KRT86: variants seen among roughly 807,000 people sequenced by gnomAD.
KRT86 encodes the protein keratin, type II cuticular Hb6.
A neutral mutation model predicts 41.2 loss-of-function variants in KRT86; 30 were observed. The ratio of observed to expected loss-of-function variants is 0.73; its 90% confidence interval spans 0.54 to 0.99. KRT86 has a LOEUF of 0.99. Among genes scored for constraint, KRT86 ranks in the 50% least tolerant of loss-of-function variants. KRT86 has a pLI of 0.00. For synonymous variants in KRT86, 238 were observed against 238.1 expected (o/e 1.00, Z 0.00); for missense variants, 561 against 571.4 (o/e 0.98, Z 0.19).
At chr12:52,305,844 C>A in intron 8 of KRT86, 56 bp downstream of exon 8, 2 of 1,613,808 alleles carry the variant, frequency 1.2e-6, no homozygotes, top group Non-Finnish European at 1.7e-6. Context: ...CATGGTCACA[C>A]AGCCTATGTG....
Position 52,308,476 on chromosome 12 carries a change from C to G in KRT86, c.1352C>G (p.Thr451Ser), listed in dbSNP as rs758256483. 1.2e-6 allele frequency: 2 copies of G among 1,610,934 alleles called. No individual in the cohort carries two copies. The highest frequency in any genetic ancestry group is 2.2e-5 in the South Asian group (2 of 91,064). ...TCCACTACTGCCCCTGTTGTCTCCA[C>G]CAGAGTCAGTAGCGTCCCCAGCAAC... ...CASTTAPVVS[T>S]RVSSVPSNSN... Residue 451 changes from threonine (T) to serine (S), a missense_variant, in exon 11 of 11, where the codon ACC (threonine) becomes AGC (serine). This residue lies in a region of KRT86 where 397 missense variants were observed against 375.9 expected (regional missense o/e 1.06). Coordinates refer to ENST00000423955, the MANE Select transcript of KRT86 (RefSeq NM_001320198.2).
intron 2 of KRT86, among the ~76,000 whole-genome samples, chr12:52,276,932 T>G (rs913332225): frequency 6.6e-6 from 1 of 152,046 alleles, no homozygotes; most frequent in Non-Finnish European, 1.5e-5. Flanking sequence ...TGGAGAGAGA[T>G]CTCCCTTGTA....
Position 52,308,462 on chromosome 12 carries a change from C to T in KRT86, c.1338C>T (p.Ala446=). The change falls in exon 11 of 11, where the codon GCC becomes GCT. Residue 446 remains alanine, a synonymous_variant. Coordinates refer to ENST00000423955, the MANE Select transcript of KRT86 (RefSeq NM_001320198.2). ...GCGATCTCTGCGCCTCCACTACTGC[C>T]CCTGTTGTCTCCACCAGAGTCAGTA... is the stretch of plus-strand genomic sequence containing the variant. ...VCGDLCASTT[A]PVVSTRVSSV... is the part of the protein sequence containing the mutation. 1.9e-6 allele frequency: 3 copies of T among 1,611,626 alleles called. No individual in the cohort carries two copies. Among genetic ancestry groups the T allele is most frequent in the Non-Finnish European group, 2.5e-6 (3 of 1,179,882 alleles).
intron 2 of KRT86, among the ~76,000 whole-genome samples, chr12:52,293,421 G>C (rs1296986338): frequency 6.6e-6 from 1 of 152,176 alleles, no homozygotes; most frequent in Non-Finnish European, 1.5e-5. Flanking sequence ...ACAACCCCTT[G>C]ACTTCCTAAT....
chr12:52,274,815 G>A (rs1942535338), intron 1 of KRT86, 93 bp downstream of exon 1: 1 of 831,064 alleles, frequency 1.2e-6, no homozygotes, highest in African/African-American at 1.8e-5. Context: ...TTGGGAACAG[G>A]AGCAGAAAAG....
chr12:52,275,982 T>G (rs1470927285), intron 2 of KRT86, 36 bp downstream of exon 2: 49 of 985,734 alleles, frequency 5.0e-5, no homozygotes, highest in Non-Finnish European at 5.5e-5. Flanking sequence ...AGAGTGGCCA[T>G]GGTGGGATGG....
chr12:52,287,726 G>C (rs1368441769), intron 2 of KRT86: 2 of 1,613,856 alleles, frequency 1.2e-6, no homozygotes, highest in Non-Finnish European at 1.7e-6. Context: ...CTCACACTGG[G>C]GGAAGTAGAG....
intron 2 of KRT86, chr12:52,291,102 C>A: frequency 1.4e-6 from 1 of 707,724 alleles, no homozygotes; most frequent in Non-Finnish European, 2.1e-6. Context: ...CCCACCTTGT[C>A]GATGAAGGCC....
chr12:52,286,721 C>T (rs2121231510), intron 2 of KRT86: 2 of 1,528,022 alleles, frequency 1.3e-6, no homozygotes, highest in Non-Finnish European at 1.8e-6. Context: ...AGTAACACTC[C>T]TTTTTCCAAA....
chr12:52,286,631 C>G (rs1274009465), intron 2 of KRT86: 4 of 1,191,718 alleles, frequency 3.4e-6, no homozygotes, highest in Non-Finnish European at 3.7e-6. Context: ...TCCATCTAGT[C>G]CAAGAGCTGG....
chr12:52,297,839 A>C (rs1565745833), intron 2 of KRT86, among the ~76,000 whole-genome samples: 1 of 152,246 alleles, frequency 6.6e-6, no homozygotes. Flanking sequence ...GTCCATCTGC[A>C]ATGAAAGCTT....
In KRT86 at chr12:52,302,085, G is replaced by T. The variant is rs369728157; in HGVS notation, c.169G>T (p.Gly57Cys). ...SHSVCGGFRA[G>C]SCGRSFGYRS... is the part of the protein sequence containing the mutation. ...CAGCGTGTGCGGAGGCTTTCGGGCC[G>T]GCTCCTGCGGACGCAGCTTCGGCTA... is the stretch of plus-strand genomic sequence containing the variant. The change falls in exon 3 of 11, where the codon GGC (glycine) becomes TGC (cysteine). Residue 57 changes from glycine (G) to cysteine (C), a missense_variant. Coordinates refer to ENST00000423955, the MANE Select transcript of KRT86 (RefSeq NM_001320198.2). 7.2e-5 allele frequency: 115 copies of T among 1,587,436 alleles called. No homozygotes were observed. Among genetic ancestry groups the T allele is most frequent in the Non-Finnish European group, 1.8e-5 (21 of 1,168,648 alleles).
intron 5 of KRT86, among the ~76,000 whole-genome samples, 180 bp from the exon 6 acceptor site, chr12:52,304,752 T>C (rs1938461693): frequency 6.6e-6 from 1 of 151,290 alleles, no homozygotes; most frequent in Admixed American, 6.6e-5. Context: ...ACAGGGTTTG[T>C]CCTCAGAATG....
rs539490733 is a variant in KRT86 at position 52,299,393 on chromosome 12, G to A, written c.-4-2520G>A. 8.5e-5 allele frequency among the ~76,000 whole-genome samples: 13 copies of A among 152,282 alleles called. No homozygotes were observed. In the South Asian group the frequency reaches 1.5e-3, roughly 17 times the overall value. On this transcript the variant is annotated intron_variant, in intron 2 of 10. Coordinates refer to ENST00000423955, the MANE Select transcript of KRT86 (RefSeq NM_001320198.2). Reference sequence around the variant, plus strand: ...CCAAATCTTGGCTATTGTGAATAGCGCTGCAATAAACGTGGGAGTGCAGAC... The same window carrying A: ...CCAAATCTTGGCTATTGTGAATAGCACTGCAATAAACGTGGGAGTGCAGAC...
intron 2 of KRT86, chr12:52,286,709 T>G (rs948415359): frequency 2.5e-4 from 357 of 1,451,376 alleles, no homozygotes; most frequent in Non-Finnish European, 3.3e-4. Context: ...ATATTCAATC[T>G]CAGTAACACT....
chr12:52,288,654 C>G (rs1442852254), intron 2 of KRT86, among the ~76,000 whole-genome samples: 2 of 152,094 alleles, frequency 1.3e-5, no homozygotes, highest in Non-Finnish European at 1.5e-5. Context: ...TTTGCCTTGA[C>G]CATGCCTCAC....
intron 2 of KRT86, 21 bp from the exon 3 acceptor site, chr12:52,301,892 C>A: frequency 6.2e-7 from 1 of 1,613,850 alleles, no homozygotes; most frequent in Non-Finnish European, 8.5e-7. Context: ...ATCCTCAGAA[C>A]CTCCTCTCTT....
At chr12:52,306,978 A>C (rs1357088598) in intron 9 of KRT86, 1 of 154,096 alleles carries the variant, frequency 6.5e-6, no homozygotes, top group African/African-American at 2.4e-5. Flanking sequence ...CAACACTCCC[A>C]GAATGTGAGC....
chr12:52,288,336 T>G (rs376872589), intron 2 of KRT86: 9 of 1,613,534 alleles, frequency 5.6e-6, no homozygotes, highest in Non-Finnish European at 6.8e-6. Flanking sequence ...GCTGCCAGGT[T>G]TCTGTCTGGC....
Sources: allele counts gnomAD v4.1 joint callset (sites outside exome capture counted in the v4.1 genomes callset), GRCh38; gene constraint gnomAD v4.1.1; regional missense constraint gnomAD v4.1.1; transcripts MANE v1.5; gene names NCBI Gene and HGNC (gene_info 2026-07-23, HGNC 2026-07-21).